The following KIT variants were observed in gnomAD, a reference collection of about 807,000 sequenced individuals.
The protein encoded by KIT is mast/stem cell growth factor receptor Kit.
KIT carries 16 observed loss-of-function variants against 105.7 expected under a neutral mutation model. The observed-to-expected ratio is 0.15, with a 90% CI of 0.10 to 0.23. KIT has a LOEUF of 0.23. Among genes scored for constraint, KIT ranks in the 10% least tolerant of loss-of-function variants. The probability of loss-of-function intolerance (pLI) is 1.00; values close to 1 mark genes in which losing one functional copy is unlikely to be tolerated. For synonymous variants in KIT, 438 were observed against 441.1 expected, an observed-to-expected ratio of 0.99 and a Z score of 0.09; for missense variants, 858 against 1,213.8, an observed-to-expected ratio of 0.71 and a Z score of 4.36.
In KIT at chr4:54,658,014, G is replaced by C. The variant is rs2109520619; in HGVS notation, c.-1G>C. 1 of 1,613,816 alleles carries C rather than the reference G, an allele frequency of 6.2e-7. No individual in the cohort carries two copies. Among genetic ancestry groups the C allele is most frequent in the Non-Finnish European group, 8.5e-7 (1 of 1,179,828 alleles). ...GCTCGGATCCCATCGCAGCTACCGC[G>C]ATGAGAGGCGCTCGCGGCGCCTGGG... On this transcript the variant is annotated 5_prime_UTR_variant, in exon 1 of 21. Transcript: ENST00000288135.
chr4:54,691,491 A>G (rs988761302), intron 1 of KIT, among the ~76,000 whole-genome samples: 2 of 152,124 alleles, frequency 1.3e-5, no homozygotes, highest in African/African-American at 4.8e-5. Flanking sequence ...GGACACAGGC[A>G]GAAGGGATGA....
chr4:54,728,845 C>A (rs1012827033), intron 13 of KIT, among the ~76,000 whole-genome samples: 2 of 152,166 alleles, frequency 1.3e-5, no homozygotes, highest in Non-Finnish European at 2.9e-5. Flanking sequence ...CAACTAGTAG[C>A]GCTCAGAACA....
chr4:54,666,544 C>T (rs962466844), intron 1 of KIT, among the ~76,000 whole-genome samples: 2 of 152,132 alleles, frequency 1.3e-5, no homozygotes, highest in Non-Finnish European at 2.9e-5. Flanking sequence ...TCCCAAAGTG[C>T]TGGGATTACA....
intron 7 of KIT, among the ~76,000 whole-genome samples, chr4:54,710,936 C>A (rs996819896): frequency 6.6e-6 from 1 of 152,180 alleles, no homozygotes; most frequent in African/African-American, 2.4e-5. Context: ...GTCACCCAGG[C>A]TGGAGTGATC....
At chr4:54,733,760 C>T (rs770729564) in intron 17 of KIT, among the ~76,000 whole-genome samples, 15 of 152,082 alleles carry the variant, frequency 9.9e-5, no homozygotes, top group Non-Finnish European at 1.8e-4. Context: ...CAGCACCTTC[C>T]TATTTTAAAA....
At chr4:54,708,609 T>C (rs71599650) in intron 6 of KIT, among the ~76,000 whole-genome samples, 14 of 152,042 alleles carry the variant, frequency 9.2e-5, no homozygotes, top group Admixed American at 5.2e-4. Context: ...AGAGGAGACA[T>C]GGTACAGAGA....
intron 1 of KIT, among the ~76,000 whole-genome samples, chr4:54,673,143 T>G (rs1718232852): frequency 6.6e-6 from 1 of 152,206 alleles, no homozygotes; most frequent in African/African-American, 2.4e-5. Context: ...GTTGATTATT[T>G]TTTTTCCATA....
chr4:54,724,604 T>C (rs1310489752), intron 8 of KIT, among the ~76,000 whole-genome samples: 1 of 152,186 alleles, frequency 6.6e-6, no homozygotes, highest in African/African-American at 2.4e-5. Context: ...ACTATTCTAA[T>C]GGACAGAACA....
chr4:54,678,822 T>C (rs1045578553), intron 1 of KIT, among the ~76,000 whole-genome samples: 5 of 152,226 alleles, frequency 3.3e-5, no homozygotes, highest in African/African-American at 1.2e-4. Context: ...AAAGGAAAAT[T>C]GCAAGATTAG....
At chr4:54,712,283 A>G (rs1721210907) in intron 7 of KIT, among the ~76,000 whole-genome samples, 1 of 152,210 alleles carries the variant, frequency 6.6e-6, no homozygotes, top group African/African-American at 2.4e-5. Context: ...TAGATTCAAT[A>G]GATATAACAA....
chr4:54,679,387 CT>C (rs1020368989), intron 1 of KIT, among the ~76,000 whole-genome samples: 18 of 152,092 alleles, frequency 1.2e-4, no homozygotes, highest in Non-Finnish European at 2.4e-4. Flanking sequence ...GGGCAGTAAC[CT>C]TTTTTCTAGC....
In KIT at chr4:54,728,052, C is replaced by A. The variant is rs1560418381; in HGVS notation, c.1921C>A (p.Leu641Ile). Residue 641 changes from leucine to isoleucine, a missense_variant, in exon 13 of 21, where the codon CTC (leucine) becomes ATC (isoleucine). This residue lies in a region of KIT where 158 missense variants were observed against 218.7 expected (regional missense o/e 0.72). Coordinates refer to ENST00000288135, the MANE Select transcript of KIT (RefSeq NM_000222.3). ...LTEREALMSELKVLSYLGNHM... is the reference protein window; with the variant it reads ...LTEREALMSEIKVLSYLGNHM... ...AGAACGGGAAGCCCTCATGTCTGAA[C>A]TCAAAGTCCTGAGTTACCTTGGTAA... 1 of 1,614,062 alleles carries A rather than the reference C, an allele frequency of 6.2e-7. No individual in the cohort carries two copies. Among genetic ancestry groups the A allele is most frequent in the Non-Finnish European group, 8.5e-7 (1 of 1,179,968 alleles).
chr4:54,703,524 T>A (rs560048828), intron 4 of KIT, among the ~76,000 whole-genome samples, 200 bp from the exon 5 acceptor site: 1 of 152,202 alleles, frequency 6.6e-6, no homozygotes, highest in Non-Finnish European at 1.5e-5. Context: ...ATAATGACTG[T>A]CTTTCAACAT....
At chr4:54,704,290 G>T (rs1035316082) in intron 5 of KIT, among the ~76,000 whole-genome samples, 2 of 152,198 alleles carry the variant, frequency 1.3e-5, no homozygotes, top group East Asian at 1.9e-4. Flanking sequence ...TTTGGTAGGG[G>T]CTGTGCCCCT....
intron 14 of KIT, among the ~76,000 whole-genome samples, chr4:54,730,128 T>TA (rs1240744541): frequency 6.6e-6 from 1 of 152,172 alleles, no homozygotes; most frequent in Admixed American, 6.6e-5. Context: ...GAGTTTGACT[T>TA]ACAACCAGAA....
chr4:54,699,909 A>T, intron 4 of KIT, 143 bp downstream of exon 4: 1 of 811,630 alleles, frequency 1.2e-6, no homozygotes, highest in Admixed American at 1.9e-5. Context: ...GGGATTGCAT[A>T]TTTCCCCCTT....
intron 1 of KIT, among the ~76,000 whole-genome samples, chr4:54,686,534 T>G (rs1719323069): frequency 6.6e-6 from 1 of 152,202 alleles, no homozygotes. Context: ...ACCTCATGAC[T>G]AAACCTGAGT....
At chr4:54,688,123 T>C (rs541580981) in intron 1 of KIT, among the ~76,000 whole-genome samples, 37 of 152,224 alleles carry the variant, frequency 2.4e-4, no homozygotes, top group African/African-American at 8.7e-4. Context: ...TGAGGACTTG[T>C]GTGGTTTTCA....
chr4:54,702,978 T>G (rs895014615), intron 4 of KIT, among the ~76,000 whole-genome samples: 26 of 152,290 alleles, frequency 1.7e-4, no homozygotes, highest in African/African-American at 6.0e-4. Flanking sequence ...TATATTAGAC[T>G]TTCTTTAATC....
Sources: allele counts gnomAD v4.1 joint callset (sites outside exome capture counted in the v4.1 genomes callset), GRCh38; gene constraint gnomAD v4.1.1; regional missense constraint gnomAD v4.1.1; transcripts MANE v1.5; gene names NCBI Gene and HGNC (gene_info 2026-07-23, HGNC 2026-07-21).